The following HTR7 variants were observed in gnomAD, a reference collection of about 807,000 sequenced individuals.
The protein encoded by HTR7 is 5-HT-7.
Under a neutral mutation model 34.0 loss-of-function variants are expected in HTR7, and 16 were observed. That is an observed-to-expected ratio of 0.47 (90% CI 0.32 to 0.71). The LOEUF (loss-of-function observed/expected upper bound fraction) is 0.71, where lower values mean the gene tolerates loss of function less well. Ranked by LOEUF, HTR7 falls within the 30% of genes least tolerant of loss-of-function variation. HTR7 has a pLI of 0.04. For missense variants in HTR7, 504 were observed against 625.5 expected, an observed-to-expected ratio of 0.81 and a Z score of 2.07; for synonymous variants, 265 against 260.2, an observed-to-expected ratio of 1.02 and a Z score of -0.18.
At chr10:90,748,458 G>C (rs2119672573) in intron 2 of HTR7, among the ~76,000 whole-genome samples, 1 of 152,286 alleles carries the variant, frequency 6.6e-6, no homozygotes, top group East Asian at 1.9e-4. Flanking sequence ...TGTGAAGGAT[G>C]AGGTTATCAA....
chr10:90,837,198 C>T (rs569086087), intron 1 of HTR7, among the ~76,000 whole-genome samples: 107 of 152,340 alleles, frequency 7.0e-4, no homozygotes, highest in African/African-American at 2.5e-3. Flanking sequence ...TAAAGTGTTT[C>T]TACTCTAGTA....
At chr10:90,823,077 T>C (rs532764606) in intron 1 of HTR7, among the ~76,000 whole-genome samples, 2 of 152,322 alleles carry the variant, frequency 1.3e-5, no homozygotes, top group East Asian at 1.9e-4. Context: ...GCAGTGTGTA[T>C]GGGGAAATGT....
chr10:90,824,980 G>A (rs1846047114), intron 1 of HTR7, among the ~76,000 whole-genome samples: 2 of 152,246 alleles, frequency 1.3e-5, no homozygotes, highest in Admixed American at 6.5e-5. Flanking sequence ...CTAGGGCCTT[G>A]AGTGAATACA....
At chr10:90,758,946 G>A (rs1159784249) in intron 1 of HTR7, among the ~76,000 whole-genome samples, 1 of 152,090 alleles carries the variant, frequency 6.6e-6, no homozygotes. Context: ...CCAGCACTTT[G>A]GGAGGCTGAG....
chr10:90,756,999 A>G (rs899877117), intron 1 of HTR7, among the ~76,000 whole-genome samples: 2 of 152,224 alleles, frequency 1.3e-5, no homozygotes, highest in African/African-American at 4.8e-5. Context: ...ACAATAAACT[A>G]AATTTTCCAA....
chr10:90,810,427 GCA>G (rs1845787929), intron 1 of HTR7, among the ~76,000 whole-genome samples: 1 of 152,028 alleles, frequency 6.6e-6, no homozygotes, highest in African/African-American at 2.4e-5. Flanking sequence ...CCATCCCACA[GCA>G]CGCTTTAAAA....
chr10:90,839,577 A>G (rs1846298192), intron 1 of HTR7, among the ~76,000 whole-genome samples: 1 of 152,234 alleles, frequency 6.6e-6, no homozygotes, highest in African/African-American at 2.4e-5. Flanking sequence ...GATGAAAGTG[A>G]TAATACAAAC....
intron 1 of HTR7, among the ~76,000 whole-genome samples, chr10:90,757,040 G>A (rs952678902): frequency 6.6e-6 from 1 of 152,044 alleles, no homozygotes; most frequent in Admixed American, 6.6e-5. Context: ...TCAGAAAAAG[G>A]GGGCGGGGAT....
intron 1 of HTR7, among the ~76,000 whole-genome samples, chr10:90,806,162 C>A (rs2119943130): frequency 6.6e-6 from 1 of 151,964 alleles, no homozygotes; most frequent in Admixed American, 6.6e-5. Context: ...AGTTTGGAGG[C>A]TACATAAAGA....
At chr10:90,783,662 A>G (rs1326640551) in intron 1 of HTR7, among the ~76,000 whole-genome samples, 1 of 152,204 alleles carries the variant, frequency 6.6e-6, no homozygotes, top group Non-Finnish European at 1.5e-5. Flanking sequence ...TGATCCATCC[A>G]TAATGCTACT....
intron 1 of HTR7, among the ~76,000 whole-genome samples, chr10:90,766,696 A>G (rs1300473116): frequency 6.6e-6 from 1 of 152,146 alleles, no homozygotes; most frequent in Non-Finnish European, 1.5e-5. Context: ...GTGTGTATCT[A>G]CTACAGGTCT....
chr10:90,801,928 G>A (rs765538134), intron 1 of HTR7, among the ~76,000 whole-genome samples: 2 of 152,168 alleles, frequency 1.3e-5, no homozygotes, highest in Non-Finnish European at 2.9e-5. Context: ...TGGTGTGAAT[G>A]TTCATATTGT....
intron 1 of HTR7, among the ~76,000 whole-genome samples, chr10:90,821,471 C>A (rs1434158431): frequency 6.6e-6 from 1 of 152,200 alleles, no homozygotes; most frequent in Non-Finnish European, 1.5e-5. Context: ...ATTGTCCCTG[C>A]CAGCAGTTAG....
intron 1 of HTR7, among the ~76,000 whole-genome samples, chr10:90,834,395 G>A (rs1015578958): frequency 6.6e-6 from 1 of 151,940 alleles, no homozygotes; most frequent in African/African-American, 2.4e-5. Context: ...GGGGGGTGGG[G>A]GAAATCACTA....
rs71025328 is a variant in HTR7, at chr10:90,844,726, C to CAAAAAAAAA, written c.539+12398_539+12406dup. 1.0e-4 allele frequency among the ~76,000 whole-genome samples: 4 copies of CAAAAAAAAA among 39,506 alleles called. 1 individual carries two copies. The highest frequency in any genetic ancestry group is 1.5e-4 in the Non-Finnish European group (3 of 20,074). The allele number at this position is 39,506 out of a possible 152,430, so 25.9% of individuals were successfully genotyped here. A position where few individuals can be genotyped will look rare whatever the true frequency, so the allele number is the denominator to read the frequency against. On this transcript the variant is annotated intron_variant, in intron 1 of 3. Coordinates refer to ENST00000336152, the MANE Select transcript of HTR7 (RefSeq NM_019859.4). ...TGGGCAACAGAATGAGACTCCGTCT[C>CAAAAAAAAA]AAAAAAAAAAAAAAAAAAAAAAAAA... is the stretch of plus-strand genomic sequence containing the variant.
chr10:90,852,881 G>A (rs549204945), intron 1 of HTR7, among the ~76,000 whole-genome samples: 2 of 152,264 alleles, frequency 1.3e-5, no homozygotes, highest in Admixed American at 1.3e-4. Flanking sequence ...GGGACCTCTG[G>A]GAGGTTGCCA....
chr10:90,850,450 T>C (rs1846481074), intron 1 of HTR7, among the ~76,000 whole-genome samples: 1 of 152,154 alleles, frequency 6.6e-6, no homozygotes, highest in African/African-American at 2.4e-5. Flanking sequence ...AATAACATCA[T>C]CTACAGCATC....
At chr10:90,825,046 C>A (rs538242904) in intron 1 of HTR7, among the ~76,000 whole-genome samples, 20 of 152,178 alleles carry the variant, frequency 1.3e-4, no homozygotes, top group Non-Finnish European at 2.8e-4. Context: ...GTGTTTTGAC[C>A]CAGGGCAGTC....
At chr10:90,818,525 AAC>A (rs1412580203) in intron 1 of HTR7, among the ~76,000 whole-genome samples, 1 of 152,104 alleles carries the variant, frequency 6.6e-6, no homozygotes, top group Admixed American at 6.6e-5. Context: ...CAGCCTGAGC[AAC>A]ACAGTGAGAC....
Sources: allele counts gnomAD v4.1 joint callset (sites outside exome capture counted in the v4.1 genomes callset), GRCh38; gene constraint gnomAD v4.1.1; transcripts MANE v1.5; gene names NCBI Gene and HGNC (gene_info 2026-07-23, HGNC 2026-07-21).